The following MALRD1 variants were observed in gnomAD, a reference collection of about 807,000 sequenced individuals.
MALRD1 encodes MAM and LDL-receptor class A domain-containing protein 1.
In MALRD1, 247 loss-of-function variants were observed where a neutral mutation model predicts 242.1. The ratio of observed to expected loss-of-function variants is 1.02; its 90% CI spans 0.92 to 1.13. The LOEUF (loss-of-function observed/expected upper bound fraction) is 1.13. Ranked by LOEUF, MALRD1 falls within the 50% of genes most tolerant of loss-of-function variation. The probability of loss-of-function intolerance (pLI) is 0.00; values close to 1 mark genes in which losing one functional copy is unlikely to be tolerated. For missense variants in MALRD1, 2,989 were observed against 2,533.1 expected (o/e 1.18, Z -3.86); for synonymous variants, 995 against 866.6 (o/e 1.15, Z -2.60).
chr10:19,189,506 CA>C (rs35481346), intron 14 of MALRD1, among the ~76,000 whole-genome samples: 3 of 151,542 alleles, frequency 2.0e-5, no homozygotes, highest in South Asian at 2.1e-4. Context: ...AAAGAGACTG[CA>C]AAAAAAACTA....
intron 12 of MALRD1, among the ~76,000 whole-genome samples, chr10:19,161,573 TTTCC>T (rs1834419976): frequency 2.1e-5 from 1 of 46,580 alleles, no homozygotes; most frequent in African/African-American, 8.2e-5. Context: ...AAAAAGAAAA[TTTCC>T]TTTAAAAATG....
intron 14 of MALRD1, among the ~76,000 whole-genome samples, chr10:19,194,073 C>A (rs1316432196): frequency 6.6e-6 from 1 of 151,830 alleles, no homozygotes; most frequent in Non-Finnish European, 1.5e-5. Flanking sequence ...TAATAACAAC[C>A]CACCTCATAT....
intron 31 of MALRD1, 124 bp downstream of exon 31, chr10:19,498,770 T>C: frequency 2.6e-6 from 3 of 1,150,712 alleles, no homozygotes; most frequent in South Asian, 1.8e-5. Flanking sequence ...GTAGGTTTTA[T>C]GGAAAGAGGG....
chr10:19,692,886 T>TAA (rs1554826218), intron 38 of MALRD1, among the ~76,000 whole-genome samples: 11 of 136,868 alleles, frequency 8.0e-5, no homozygotes, highest in Non-Finnish European at 1.1e-4. Flanking sequence ...TATATATATA[T>TAA]AATTTCATCC....
intron 38 of MALRD1, among the ~76,000 whole-genome samples, chr10:19,723,090 A>G (rs1056477076): frequency 6.6e-6 from 1 of 152,168 alleles, no homozygotes; most frequent in Non-Finnish European, 1.5e-5. Context: ...AATTCCTTTC[A>G]GGCACTTAAC....
At chr10:19,535,876 T>C (rs1291233126) in intron 32 of MALRD1, among the ~76,000 whole-genome samples, 1 of 152,148 alleles carries the variant, frequency 6.6e-6, no homozygotes, top group Non-Finnish European at 1.5e-5. Context: ...ATTACAATTG[T>C]CTGAAAGTAT....
intron 18 of MALRD1, among the ~76,000 whole-genome samples, chr10:19,236,884 T>C (rs1279496447): frequency 6.6e-6 from 1 of 152,094 alleles, no homozygotes; most frequent in East Asian, 1.9e-4. Flanking sequence ...GATCTACAAA[T>C]ATTTCTAACA....
At chr10:19,615,386 T>G (rs1839097308) in intron 35 of MALRD1, among the ~76,000 whole-genome samples, 1 of 150,116 alleles carries the variant, frequency 6.7e-6, no homozygotes. Flanking sequence ...AGTGTAGTAG[T>G]GTGCCCCTGT....
intron 38 of MALRD1, among the ~76,000 whole-genome samples, chr10:19,698,917 A>G (rs375022209): frequency 2.0e-5 from 3 of 152,172 alleles, no homozygotes; most frequent in African/African-American, 7.2e-5. Context: ...GCTGGGAACC[A>G]TTATTCTTAG....
intron 19 of MALRD1, among the ~76,000 whole-genome samples, chr10:19,276,735 A>T (rs1419113607): frequency 6.6e-6 from 1 of 152,078 alleles, no homozygotes; most frequent in Non-Finnish European, 1.5e-5. Context: ...TTTGACCTCT[A>T]ATTGAGTTCT....
chr10:19,693,407 C>A (rs1408199472), intron 38 of MALRD1, among the ~76,000 whole-genome samples: 1 of 152,100 alleles, frequency 6.6e-6, no homozygotes, highest in Non-Finnish European at 1.5e-5. Flanking sequence ...GTGCAAAAAT[C>A]ACAAGCATTC....
intron 24 of MALRD1, among the ~76,000 whole-genome samples, chr10:19,336,412 C>T (rs1439789711): frequency 6.6e-6 from 1 of 152,150 alleles, no homozygotes; most frequent in Non-Finnish European, 1.5e-5. Context: ...CAGTGATCTG[C>T]ACCTAAGGGC....
At chr10:19,503,038 A>T (rs1037635579) in intron 31 of MALRD1, among the ~76,000 whole-genome samples, 2 of 152,168 alleles carry the variant, frequency 1.3e-5, no homozygotes, top group African/African-American at 4.8e-5. Flanking sequence ...TATACAAGCA[A>T]TGTTGTCTGC....
intron 34 of MALRD1, among the ~76,000 whole-genome samples, chr10:19,600,043 A>C (rs192004338): frequency 6.6e-6 from 1 of 152,264 alleles, no homozygotes; most frequent in Admixed American, 6.5e-5. Context: ...ACTGTGAAAA[A>C]CAATGGGAAG....
rs374379616 is a variant in MALRD1, at chr10:19,227,755, A to G, written c.2991+18075A>G. ...GTACACATAACTAAAAAACTAAATA[A>G]CAAAACACAGATAACTCATTTAATA... On this transcript the variant is annotated intron_variant, in intron 18 of 39. Coordinates refer to ENST00000454679, the MANE Select transcript of MALRD1 (RefSeq NM_001142308.3). Among the ~76,000 whole-genome samples, 4 of 152,292 alleles carry G rather than the reference A, an allele frequency of 2.6e-5. No individual in the cohort carries two copies. The East Asian group carries it at 5.8e-4, about 22-fold the overall frequency.
At chr10:19,181,785 T>C (rs1835516650) in intron 14 of MALRD1, among the ~76,000 whole-genome samples, 2 of 152,196 alleles carry the variant, frequency 1.3e-5, no homozygotes, top group African/African-American at 4.8e-5. Context: ...TTTGCCTCAC[T>C]GTAATAACCA....
At chr10:19,120,222 A>AG (rs1350011997) in intron 5 of MALRD1, among the ~76,000 whole-genome samples, 1 of 152,266 alleles carries the variant, frequency 6.6e-6, no homozygotes, top group South Asian at 2.1e-4. Context: ...AGAGAGACTG[A>AG]GAAAAAAAAT....
chr10:19,346,422 A>G (rs1055598574), intron 24 of MALRD1, among the ~76,000 whole-genome samples: 4 of 152,078 alleles, frequency 2.6e-5, no homozygotes, highest in Admixed American at 6.6e-5. Context: ...ATTTTGAACA[A>G]TTGTGTAAAT....
At chr10:19,164,837 C>T (rs1385479283) in intron 12 of MALRD1, among the ~76,000 whole-genome samples, 1 of 151,986 alleles carries the variant, frequency 6.6e-6, no homozygotes, top group East Asian at 1.9e-4. Context: ...TAGATTGTGT[C>T]ATTATTGATG....
Sources: gnomAD v4.1 joint callset for allele counts (sites outside exome capture counted in the v4.1 genomes callset) on GRCh38, gnomAD v4.1.1 for gene constraint, MANE v1.5 for transcripts, NCBI Gene and HGNC (gene_info 2026-07-23, HGNC 2026-07-21) for gene names.